Variants in CWF19L2 observed in about 807,000 individuals in gnomAD.
The protein encoded by CWF19L2 is CWF19-like protein 2.
Under a neutral mutation model 111.7 loss-of-function variants are expected in CWF19L2, and 98 were observed. The observed-to-expected ratio is 0.88, with a 90% CI of 0.75 to 1.04. The LOEUF (loss-of-function observed/expected upper bound fraction) is 1.04, where lower values mean the gene tolerates loss of function less well. Among genes scored for constraint, CWF19L2 ranks in the 50% least tolerant of loss-of-function variants. CWF19L2 has a pLI of 0.00. For synonymous variants in CWF19L2, 351 were observed against 342.9 expected (o/e 1.02, Z -0.26); for missense variants, 1,101 against 1,051.4 (o/e 1.05, Z -0.65).
chr11:107,451,446 T>C (rs930918902), intron 3 of CWF19L2, among the ~76,000 whole-genome samples: 2 of 150,812 alleles, frequency 1.3e-5, no homozygotes, highest in African/African-American at 5.0e-5. Context: ...AAAGAATAAA[T>C]ATAGTTTAAA....
At chr11:107,404,257 T>G in intron 10 of CWF19L2, 1 of 778,890 alleles carries the variant, frequency 1.3e-6, no homozygotes, top group East Asian at 2.4e-5. Flanking sequence ...ATTCTTGTTT[T>G]TCTTCATCAG....
Position 107,418,391 on chromosome 11 carries a change from G to A in CWF19L2, c.1434-104C>T, listed in dbSNP as rs1016185848. On this transcript the variant is annotated intron_variant, in intron 8 of 17. Transcript: ENST00000282251. ...TTAACTGACCTCAACAAAGCATTCA[G>A]TACCAATAGCAGATCATGATTGTAA... The A allele has an allele frequency of 2.6e-5, 19 of 744,596 alleles. No individual in the cohort carries two copies. The African/African-American group carries it at 2.6e-4, about 10-fold the overall frequency. 46.1% of individuals were successfully genotyped at this position (744,596 alleles called of 1,614,324 possible). A position where few individuals can be genotyped will look rare whatever the true frequency, so the allele number is the denominator to read the frequency against.
intron 7 of CWF19L2, among the ~76,000 whole-genome samples, chr11:107,433,236 T>A (rs549509721): frequency 3.3e-5 from 5 of 152,140 alleles, no homozygotes; most frequent in Non-Finnish European, 7.4e-5. Flanking sequence ...CACAGTTTCA[T>A]TGTTTTAAGA....
intron 17 of CWF19L2, among the ~76,000 whole-genome samples, chr11:107,328,276 G>A (rs976088696): frequency 6.6e-6 from 1 of 152,084 alleles, no homozygotes; most frequent in African/African-American, 2.4e-5. Context: ...GGCAAATTGA[G>A]ATTTAGTTCA....
intron 12 of CWF19L2, among the ~76,000 whole-genome samples, chr11:107,361,841 G>C (rs112270172): frequency 0.018 from 2,672 of 152,304 alleles, 58 homozygotes; most frequent in African/African-American, 0.059. Context: ...CGAACAGGAA[G>C]AGCTCTGGTC....
intron 11 of CWF19L2, 76 bp from the exon 12 acceptor site, chr11:107,390,287 T>C: frequency 1.7e-6 from 2 of 1,158,874 alleles, no homozygotes; most frequent in Non-Finnish European, 2.4e-6. Context: ...TACATAAATA[T>C]CTGATGTTAA....
At chr11:107,452,478 G>A (rs1861791398) in intron 3 of CWF19L2, among the ~76,000 whole-genome samples, 1 of 152,138 alleles carries the variant, frequency 6.6e-6, no homozygotes, top group South Asian at 2.1e-4. Flanking sequence ...TAAATGGATA[G>A]AGAGATGTAC....
At chr11:107,437,348 A>G (rs1248625189) in intron 6 of CWF19L2, among the ~76,000 whole-genome samples, 1 of 152,158 alleles carries the variant, frequency 6.6e-6, no homozygotes, top group African/African-American at 2.4e-5. Context: ...TTCTAATCCC[A>G]AGTAGACTGA....
chr11:107,341,169 TTC>T (rs1242495761), intron 14 of CWF19L2, among the ~76,000 whole-genome samples: 2 of 152,214 alleles, frequency 1.3e-5, no homozygotes, highest in Non-Finnish European at 2.9e-5. Flanking sequence ...TGTTTTTGAT[TTC>T]TCTGTTCAAA....
intron 12 of CWF19L2, among the ~76,000 whole-genome samples, chr11:107,355,456 A>G (rs1860223778): frequency 6.6e-6 from 1 of 152,042 alleles, no homozygotes; most frequent in South Asian, 2.1e-4. Flanking sequence ...CAACAACAAC[A>G]AAAAACAAAA....
intron 9 of CWF19L2, among the ~76,000 whole-genome samples, chr11:107,417,226 A>G (rs1319268575): frequency 6.6e-6 from 1 of 152,196 alleles, no homozygotes; most frequent in Non-Finnish European, 1.5e-5. Context: ...TTCTATCAAG[A>G]TGTGGAATAT....
At chr11:107,353,883 G>T (rs1184691614) in intron 12 of CWF19L2, 147 bp from the exon 13 acceptor site, 2 of 633,022 alleles carry the variant, frequency 3.2e-6, no homozygotes, top group Admixed American at 3.0e-5. Context: ...ATATTTGTTT[G>T]ATCTTCTAGA....
At chr11:107,371,145 C>T (rs1860504046) in intron 12 of CWF19L2, among the ~76,000 whole-genome samples, 1 of 132,952 alleles carries the variant, frequency 7.5e-6, no homozygotes, top group South Asian at 2.6e-4. Context: ...GCTGGGACTA[C>T]AGGCACCTGC....
intron 10 of CWF19L2, among the ~76,000 whole-genome samples, chr11:107,398,498 G>C (rs1421162883): frequency 6.6e-6 from 1 of 152,026 alleles, no homozygotes; most frequent in Non-Finnish European, 1.5e-5. Context: ...AAAAAACTAA[G>C]AAAATATGAA....
At chr11:107,340,757 A>T (rs1276889129) in intron 14 of CWF19L2, among the ~76,000 whole-genome samples, 6 of 152,246 alleles carry the variant, frequency 3.9e-5, no homozygotes, top group Non-Finnish European at 8.8e-5. Context: ...GTGTTAAACT[A>T]GTATATTAAT....
intron 10 of CWF19L2, among the ~76,000 whole-genome samples, chr11:107,414,431 G>T (rs1402311446): frequency 6.6e-6 from 1 of 152,074 alleles, no homozygotes; most frequent in Admixed American, 6.6e-5. Flanking sequence ...CTACATTTAT[G>T]CCTGTGATTA....
intron 8 of CWF19L2, among the ~76,000 whole-genome samples, chr11:107,425,179 AACACACACACACACAC>A (rs138792527): frequency 1.4e-5 from 2 of 144,938 alleles, no homozygotes; most frequent in African/African-American, 2.5e-5. Context: ...CTCTCTTTGA[AACACACACACACACAC>A]ACACACACAC....
intron 16 of CWF19L2, among the ~76,000 whole-genome samples, chr11:107,333,986 C>T (rs1232051504): frequency 1.3e-5 from 2 of 152,146 alleles, no homozygotes; most frequent in Non-Finnish European, 2.9e-5. Flanking sequence ...TAAGCAATAC[C>T]TAAGCAAATG....
chr11:107,353,599 T>C lies in CWF19L2; in HGVS notation c.2010A>G (p.Ala670=). ...AACAATACAGACATTTTTCCATTTG[T>C]GCAGCAAGACTCCGATGCTCAGCAA... The part of the protein sequence containing the change: ...KAIAEHRSLA[A]QMEKCLYCFD... Residue 670 remains alanine (A), a synonymous_variant, in exon 13 of 18, where the codon GCA becomes GCG. Coordinates refer to ENST00000282251, the MANE Select transcript of CWF19L2 (RefSeq NM_152434.3). 6.2e-7 allele frequency: 1 copy of C among 1,613,856 alleles called. No homozygotes were observed. The highest frequency in any genetic ancestry group is 1.3e-5 in the African/African-American group (1 of 75,046).
Sources: allele counts gnomAD v4.1 joint callset (sites outside exome capture counted in the v4.1 genomes callset), GRCh38; gene constraint gnomAD v4.1.1; transcripts MANE v1.5; gene names NCBI Gene and HGNC (gene_info 2026-07-23, HGNC 2026-07-21).